The following WIPF3 variants were observed in gnomAD, a reference collection of about 807,000 sequenced individuals.
WIPF3 encodes WAS/WASL interacting protein family member 3.
A neutral mutation model predicts 38.9 loss-of-function variants in WIPF3; 33 were observed. The ratio of observed to expected loss-of-function variants is 0.85; its 90% CI spans 0.64 to 1.14. The LOEUF is 1.14. WIPF3 is among the 50% of genes most tolerant of loss of function. The pLI, the probability that WIPF3 is intolerant of heterozygous loss-of-function variation, is 0.00. For synonymous variants in WIPF3, 324 were observed against 269.3 expected (o/e 1.20, Z -1.99); for missense variants, 711 against 652.5 (o/e 1.09, Z -0.98).
At chr7:29,826,392 G>C (rs1456404667) in intron 1 of WIPF3, among the ~76,000 whole-genome samples, 1 of 152,118 alleles carries the variant, frequency 6.6e-6, no homozygotes, top group Non-Finnish European at 1.5e-5. Context: ...ATCAGAATCT[G>C]CATTTTAACA....
At chr7:29,820,308 AG>A (rs1333974804) in intron 1 of WIPF3, among the ~76,000 whole-genome samples, 1 of 152,136 alleles carries the variant, frequency 6.6e-6, no homozygotes, top group Non-Finnish European at 1.5e-5. Flanking sequence ...GTTTCAAATC[AG>A]GTGTGTATCT....
intron 2 of WIPF3, among the ~76,000 whole-genome samples, chr7:29,849,641 A>T (rs7790475): frequency 0.016 from 2,397 of 152,328 alleles, 67 homozygotes; most frequent in African/African-American, 0.053. Context: ...GGAGCCTTAA[A>T]GCCAACTCTA....
chr7:29,868,766 T>C (rs1240905138), intron 2 of WIPF3, among the ~76,000 whole-genome samples: 5 of 152,052 alleles, frequency 3.3e-5, no homozygotes, highest in Admixed American at 3.3e-4. Flanking sequence ...GCTACAAACC[T>C]GTATGGCATG....
intron 2 of WIPF3, among the ~76,000 whole-genome samples, chr7:29,868,511 A>G (rs1297747833): frequency 2.5e-5 from 3 of 120,720 alleles, no homozygotes; most frequent in Non-Finnish European, 3.6e-5. Context: ...AGTATAAATA[A>G]TGAGAAGTAT....
At chr7:29,816,772 ATAAT>A (rs1417332277) in intron 1 of WIPF3, among the ~76,000 whole-genome samples, 1 of 152,172 alleles carries the variant, frequency 6.6e-6, no homozygotes, top group African/African-American at 2.4e-5. Flanking sequence ...CCATAATTTA[ATAAT>A]TAGTTTTCAG....
At position 29,915,414 on chromosome 7, in the gene WIPF3, G is replaced by A. The variant is rs1265336504; in HGVS notation, c.*898G>A. On this transcript the variant is annotated 3_prime_UTR_variant, in exon 9 of 9. Coordinates refer to ENST00000242140, the MANE Select transcript of WIPF3 (RefSeq NM_001080529.3). The stretch of plus-strand genomic sequence containing the variant: ...GTCTCCCCTTCTGCCCTTGCTTCGA[G>A]TGTGGACTTCCATGGAAAATATGAC... The A allele has an allele frequency of 3.9e-5, 6 of 152,218 alleles. No homozygotes were observed. Among genetic ancestry groups the A allele is most frequent in the Admixed American group, 3.9e-4 (6 of 15,282 alleles). The allele number at this position is 152,218 out of a possible 1,614,324, so 9.4% of individuals were successfully genotyped here. A position where few individuals can be genotyped will look rare whatever the true frequency, so the allele number is the denominator to read the frequency against.
chr7:29,908,945 A>C (rs979565928), intron 8 of WIPF3, among the ~76,000 whole-genome samples: 1 of 151,964 alleles, frequency 6.6e-6, no homozygotes, highest in Non-Finnish European at 1.5e-5. Flanking sequence ...ATCAGACAAA[A>C]TATCTTTCCT....
chr7:29,828,298 C>G (rs1784656911), intron 1 of WIPF3, among the ~76,000 whole-genome samples: 1 of 152,152 alleles, frequency 6.6e-6, no homozygotes, highest in African/African-American at 2.4e-5. Context: ...GGTTGGAACA[C>G]AGACATATAT....
At chr7:29,841,640 A>T (rs1012456634) in intron 2 of WIPF3, among the ~76,000 whole-genome samples, 3 of 152,094 alleles carry the variant, frequency 2.0e-5, no homozygotes, top group Non-Finnish European at 2.9e-5. Flanking sequence ...GTGAAACCCC[A>T]TCTCTACTAA....
chr7:29,908,228 A>T (rs2128081530), intron 8 of WIPF3, among the ~76,000 whole-genome samples: 1 of 152,356 alleles, frequency 6.6e-6, no homozygotes, highest in East Asian at 1.9e-4. Context: ...CAAAATAGAC[A>T]TTAAATCAAA....
At position 29,904,325 on chromosome 7, in the gene WIPF3, G is replaced by A. The variant is rs546573547; in HGVS notation, c.1391G>A (p.Gly464Glu). ...PGPWLQAEAV[G>E]QSSDDIKGRN... ...CCCTGGCTCCAAGCGGAAGCAGTCG[G>A]GCAGAGCTCTGATGACATCAAAGGC... The change falls in exon 8 of 9, where the codon GGG (glycine) becomes GAG (glutamate). Residue 464 changes from glycine to glutamate, a missense_variant. Coordinates refer to ENST00000242140, the MANE Select transcript of WIPF3 (RefSeq NM_001080529.3). 6.2e-7 allele frequency: 1 copy of A among 1,613,932 alleles called. No individual in the cohort carries two copies. The highest frequency in any genetic ancestry group is 1.3e-5 in the African/African-American group (1 of 75,044).
At chr7:29,820,671 C>A (rs1354802900) in intron 1 of WIPF3, among the ~76,000 whole-genome samples, 4 of 152,138 alleles carry the variant, frequency 2.6e-5, no homozygotes, top group Non-Finnish European at 5.9e-5. Flanking sequence ...TCCCATCTAT[C>A]CCTTTCCAAA....
At position 29,823,980 on chromosome 7, in the gene WIPF3, A is replaced by G. The variant is rs375163699; in HGVS notation, c.-57-10688A>G. 1.6e-4 allele frequency among the ~76,000 whole-genome samples: 24 copies of G among 152,318 alleles called. No homozygotes were observed. The East Asian group carries it at 4.2e-3, about 27-fold the overall frequency. On this transcript the variant is annotated intron_variant, in intron 1 of 8. Transcript: ENST00000242140. The surrounding 1 kb of genome is among the most constrained non-coding windows in gnomAD (Gnocchi z 4.0). ...TTTTATTTATAAATTTCTCAGTTTCAGGTATTTCTTTATAGCAACGCGAGA... is the reference window on the plus strand; with the variant it reads ...TTTTATTTATAAATTTCTCAGTTTCGGGTATTTCTTTATAGCAACGCGAGA...
chr7:29,819,639 G>A (rs1459327743), intron 1 of WIPF3, among the ~76,000 whole-genome samples: 1 of 151,704 alleles, frequency 6.6e-6, no homozygotes, highest in Admixed American at 6.6e-5. Context: ...TTATAAATAT[G>A]TTTACTTACA....
intron 5 of WIPF3, among the ~76,000 whole-genome samples, chr7:29,885,598 G>A (rs1275799376): frequency 6.6e-6 from 1 of 152,150 alleles, no homozygotes; most frequent in Non-Finnish European, 1.5e-5. Context: ...ATGGCTTGAG[G>A]TCAGGAGTTC....
Position 29,915,862 on chromosome 7 carries a change from G to A in WIPF3, c.*1346G>A, listed in dbSNP as rs1169584778. ...AATAGCTGCCCTTTAAAGGAAATCA[G>A]GCAGGGAGGGGAGGGAAACCAGCGA... On this transcript the variant is annotated 3_prime_UTR_variant, in exon 9 of 9. Transcript: ENST00000242140. 6.6e-6 allele frequency: 1 copy of A among 152,538 alleles called. No homozygotes were observed. The highest frequency in any genetic ancestry group is 1.5e-5 in the Non-Finnish European group (1 of 68,318). The allele number at this position is 152,538 out of a possible 1,614,324, so 9.4% of individuals were successfully genotyped here. A position where few individuals can be genotyped will look rare whatever the true frequency, so the allele number is the denominator to read the frequency against.
intron 2 of WIPF3, among the ~76,000 whole-genome samples, chr7:29,871,946 A>G (rs174958): frequency 0.43 from 66,005 of 152,084 alleles, 15,861 homozygotes; most frequent in East Asian, 0.8. Flanking sequence ...TTGCTGTAGA[A>G]CTGAGTCAAC....
At chr7:29,911,286 C>G (rs575370741) in intron 8 of WIPF3, among the ~76,000 whole-genome samples, 14 of 152,206 alleles carry the variant, frequency 9.2e-5, no homozygotes, top group South Asian at 8.3e-4. Context: ...CAAACACATC[C>G]CATGTTCATG....
intron 2 of WIPF3, among the ~76,000 whole-genome samples, chr7:29,850,002 G>T (rs939081151): frequency 2.6e-5 from 4 of 152,058 alleles, no homozygotes; most frequent in African/African-American, 4.8e-5. Context: ...CAGAGGGAAG[G>T]GTATGTCTTT....
Sources: allele counts gnomAD v4.1 joint callset (sites outside exome capture counted in the v4.1 genomes callset), GRCh38; gene constraint gnomAD v4.1.1; non-coding constraint Gnocchi (gnomAD v3.1); transcripts MANE v1.5; gene names NCBI Gene and HGNC (gene_info 2026-07-23, HGNC 2026-07-21).